Variants in RAB3C observed in about 807,000 individuals in gnomAD.
RAB3C encodes RAB3C, member RAS oncogene family.
In RAB3C, 17 loss-of-function variants were observed where a neutral mutation model predicts 26.4. The observed-to-expected ratio is 0.64, with a 90% CI of 0.44 to 0.97. The LOEUF is 0.97. Ranked by LOEUF, RAB3C falls within the 50% of genes least tolerant of loss-of-function variation. The probability of loss-of-function intolerance (pLI) is 0.00; values close to 1 mark genes in which losing one functional copy is unlikely to be tolerated. For missense variants in RAB3C, 242 were observed against 281.9 expected (o/e 0.86, Z 1.01); for synonymous variants, 91 against 95.9 (o/e 0.95, Z 0.30).
chr5:58,768,095 C>A (rs1741947740), intron 3 of RAB3C, among the ~76,000 whole-genome samples: 1 of 152,052 alleles, frequency 6.6e-6, no homozygotes, highest in Non-Finnish European at 1.5e-5. Flanking sequence ...AGGAATGGGG[C>A]TGGAGTAGAA....
At chr5:58,665,739 A>G (rs555705457) in intron 2 of RAB3C, among the ~76,000 whole-genome samples, 10 of 152,250 alleles carry the variant, frequency 6.6e-5, no homozygotes, top group East Asian at 1.9e-4. Context: ...CTCATTTTCT[A>G]TCTTCGTGGT....
intron 3 of RAB3C, among the ~76,000 whole-genome samples, chr5:58,748,663 T>A (rs1198058749): frequency 3.9e-5 from 6 of 152,100 alleles, no homozygotes; most frequent in Non-Finnish European, 8.8e-5. Flanking sequence ...TATATACATA[T>A]GAAATAATAT....
intron 1 of RAB3C, among the ~76,000 whole-genome samples, chr5:58,592,209 G>T (rs1013548306): frequency 6.6e-6 from 1 of 151,874 alleles, no homozygotes; most frequent in Non-Finnish European, 1.5e-5. Context: ...CTCTATGTTG[G>T]CTTTTCAACT....
chr5:58,648,207 A>G (rs937686826), intron 2 of RAB3C, among the ~76,000 whole-genome samples: 2 of 126,742 alleles, frequency 1.6e-5, no homozygotes, highest in African/African-American at 3.0e-5. Context: ...AGAAGACCCC[A>G]GGTTGGCCTC....
At chr5:58,729,669 TACAC>T (rs1275160351) in intron 3 of RAB3C, among the ~76,000 whole-genome samples, 6 of 148,208 alleles carry the variant, frequency 4.0e-5, no homozygotes, top group Non-Finnish European at 5.9e-5. Flanking sequence ...CATACACACA[TACAC>T]ACAATACGTG....
intron 3 of RAB3C, among the ~76,000 whole-genome samples, chr5:58,738,074 G>A (rs1315293833): frequency 6.6e-6 from 1 of 152,148 alleles, no homozygotes. Flanking sequence ...TGAAAAGAAC[G>A]AAAGATGCCA....
At chr5:58,726,543 C>A (rs891639008) in intron 3 of RAB3C, among the ~76,000 whole-genome samples, 2 of 151,920 alleles carry the variant, frequency 1.3e-5, no homozygotes, top group Non-Finnish European at 2.9e-5. Context: ...TCACTGTTGT[C>A]TTTGACTGCC....
At chr5:58,770,521 T>A (rs2111987467) in intron 3 of RAB3C, among the ~76,000 whole-genome samples, 1 of 152,296 alleles carries the variant, frequency 6.6e-6, no homozygotes, top group Middle Eastern at 3.4e-3. Flanking sequence ...ATGTCTAGCA[T>A]CTTGTTATAG....
intron 2 of RAB3C, among the ~76,000 whole-genome samples, chr5:58,656,662 G>A (rs1374795367): frequency 6.6e-6 from 1 of 152,162 alleles, no homozygotes; most frequent in Non-Finnish European, 1.5e-5. Flanking sequence ...TAAAAGATAG[G>A]TTAAGTGGAT....
At chr5:58,812,163 T>C (rs905611064) in intron 3 of RAB3C, among the ~76,000 whole-genome samples, 1 of 152,094 alleles carries the variant, frequency 6.6e-6, no homozygotes, top group Non-Finnish European at 1.5e-5. Context: ...TGGATGTGAC[T>C]GTGTGTTCAG....
chr5:58,605,838 G>C lies in RAB3C; in HGVS notation c.25-11805G>C, dbSNP rs1283581570. 2.0e-5 allele frequency among the ~76,000 whole-genome samples: 3 copies of C among 152,212 alleles called. No individual in the cohort carries two copies. The East Asian group carries it at 5.8e-4, about 29-fold the overall frequency. On this transcript the variant is annotated intron_variant, in intron 1 of 4. Coordinates refer to ENST00000282878, the MANE Select transcript of RAB3C (RefSeq NM_138453.4). ...GAGTCTCGCTTACACCCGGGAGGTA[G>C]AGGTTGCGGTGAGCCAAGATCGTGC...
chr5:58,710,145 T>A (rs989784814), intron 2 of RAB3C, among the ~76,000 whole-genome samples: 12 of 152,218 alleles, frequency 7.9e-5, no homozygotes, highest in African/African-American at 2.7e-4. Context: ...TTGCTTTTGA[T>A]GTTTAGATAC....
chr5:58,803,282 T>C (rs1742851155), intron 3 of RAB3C, among the ~76,000 whole-genome samples: 1 of 152,210 alleles, frequency 6.6e-6, no homozygotes, highest in Non-Finnish European at 1.5e-5. Context: ...GAAAAGCTGT[T>C]AATGAAGTGA....
intron 2 of RAB3C, among the ~76,000 whole-genome samples, chr5:58,719,620 A>C (rs1740697493): frequency 6.6e-6 from 1 of 151,944 alleles, no homozygotes. Flanking sequence ...GAAGTTCTAA[A>C]TTAAGGTGTT....
intron 2 of RAB3C, among the ~76,000 whole-genome samples, chr5:58,657,830 G>A (rs1747816012): frequency 6.6e-6 from 1 of 152,142 alleles, no homozygotes; most frequent in African/African-American, 2.4e-5. Context: ...GCTGTTGTTT[G>A]TCCATGCTAT....
chr5:58,737,662 A>G (rs1274214324), intron 3 of RAB3C, among the ~76,000 whole-genome samples: 1 of 151,888 alleles, frequency 6.6e-6, no homozygotes, highest in Non-Finnish European at 1.5e-5. Flanking sequence ...TTCACATTGT[A>G]TCTCCATAGT....
chr5:58,673,299 A>G (rs1006971561), intron 2 of RAB3C, among the ~76,000 whole-genome samples: 11 of 152,128 alleles, frequency 7.2e-5, no homozygotes, highest in Admixed American at 7.2e-4. Flanking sequence ...ATTTCACTTT[A>G]AGGTATTAAA....
intron 2 of RAB3C, among the ~76,000 whole-genome samples, chr5:58,639,900 A>G (rs1425832056): frequency 6.6e-6 from 1 of 152,238 alleles, no homozygotes. Flanking sequence ...TTATAATTGT[A>G]AAGATGTTAC....
At chr5:58,658,779 A>C (rs2111801879) in intron 2 of RAB3C, among the ~76,000 whole-genome samples, 1 of 152,280 alleles carries the variant, frequency 6.6e-6, no homozygotes. Context: ...TGGAGCAATA[A>C]GGCAATGGGG....
Sources: gnomAD v4.1 joint callset for allele counts (sites outside exome capture counted in the v4.1 genomes callset) on GRCh38, gnomAD v4.1.1 for gene constraint, MANE v1.5 for transcripts, NCBI Gene and HGNC (gene_info 2026-07-23, HGNC 2026-07-21) for gene names.